The following HECW2 variants were observed in gnomAD, a reference collection of about 807,000 sequenced individuals.
The protein encoded by HECW2 is HECT, C2 and WW domain containing E3 ubiquitin protein ligase 2.
Under a neutral mutation model 175.2 loss-of-function variants are expected in HECW2, and 61 were observed. The observed-to-expected ratio is 0.35, with a 90% CI of 0.28 to 0.43. The LOEUF (loss-of-function observed/expected upper bound fraction) is 0.43, where lower values mean the gene tolerates loss of function less well. HECW2 is among the 20% of genes least tolerant of loss of function. HECW2 has a pLI of 1.00. For missense variants in HECW2, 1,524 were observed against 2,000.5 expected (o/e 0.76, Z 4.54); for synonymous variants, 671 against 731.0 (o/e 0.92, Z 1.32).
At chr2:196,458,048 C>T (rs13419292) in intron 1 of HECW2, among the ~76,000 whole-genome samples, 32,767 of 151,766 alleles carry the variant, frequency 0.22, 4,011 homozygotes, top group African/African-American at 0.34. Flanking sequence ...GGTGGGAGAA[C>T]TGCTTGAGCC....
chr2:196,447,314 T>A (rs1696215598), intron 1 of HECW2, among the ~76,000 whole-genome samples: 1 of 152,192 alleles, frequency 6.6e-6, no homozygotes, highest in Non-Finnish European at 1.5e-5. Context: ...CACACAACGA[T>A]GAACTGAAGA....
intron 1 of HECW2, among the ~76,000 whole-genome samples, chr2:196,556,437 A>G (rs574332064): frequency 6.6e-5 from 10 of 152,108 alleles, no homozygotes; most frequent in Admixed American, 2.6e-4. Context: ...CCTTTGACCA[A>G]TATCTCCCAT....
In HECW2 at chr2:196,322,600, A is replaced by C. The variant is rs760313588; in HGVS notation, c.762T>G (p.Leu254=). The C allele has an allele frequency of 6.2e-7, 1 of 1,613,074 alleles. No homozygotes were observed. Among genetic ancestry groups the C allele is most frequent in the Non-Finnish European group, 8.5e-7 (1 of 1,179,278 alleles). ...TTTCAATTTCTAAGACATCAGTAAG[A>C]AGTGCAAAAAAGGAATATTTCTGAA... is the stretch of plus-strand genomic sequence containing the variant. ...WHREKYSFFA[L]LTDVLEIEIK... is the part of the protein sequence containing the mutation. Residue 254 remains leucine, a synonymous_variant, in exon 7 of 29, where the codon CTT becomes CTG. Transcript: ENST00000644978.
chr2:196,307,311 T>C, intron 11 of HECW2, 78 bp from the exon 12 acceptor site: 1 of 929,882 alleles, frequency 1.1e-6, no homozygotes, highest in South Asian at 1.5e-5. Flanking sequence ...AGTCTAGAAC[T>C]TTTCACTATC....
intron 19 of HECW2, among the ~76,000 whole-genome samples, chr2:196,247,464 G>A (rs1001545951): frequency 1.3e-5 from 2 of 152,110 alleles, no homozygotes; most frequent in Admixed American, 1.3e-4. Context: ...TGTAGACAGA[G>A]GAATTTTATG....
chr2:196,511,148 C>CA (rs1274054324), intron 1 of HECW2, among the ~76,000 whole-genome samples: 3 of 152,048 alleles, frequency 2.0e-5, no homozygotes, highest in Non-Finnish European at 2.9e-5. Context: ...GTATTTTTAG[C>CA]AAAGAGAGGG....
intron 2 of HECW2, among the ~76,000 whole-genome samples, chr2:196,362,598 C>T (rs1693627329): frequency 6.6e-6 from 1 of 152,164 alleles, no homozygotes; most frequent in African/African-American, 2.4e-5. Flanking sequence ...TGAAAAAGGA[C>T]TAAAGCTTTT....
chr2:196,318,745 C>T lies in HECW2; in HGVS notation c.2145G>A (p.Gly715=), dbSNP rs899470998. The change falls in exon 9 of 29, where the codon GGG becomes GGA. Residue 715 remains glycine, a synonymous_variant. Transcript: ENST00000644978. ...GSLPVVQVPS[G]EDEGPGAESA... is the part of the protein sequence containing the mutation. ...ATTCTGCCCCTGGCCCTTCATCCTC[C>T]CCACTGGGCACCTGTACCACAGGTA... The T allele has an allele frequency of 6.5e-7, 1 of 1,533,974 alleles. No individual in the cohort carries two copies. Among genetic ancestry groups the T allele is most frequent in the African/African-American group, 1.4e-5 (1 of 72,180 alleles).
At chr2:196,269,123 G>A (rs1361875844) in intron 17 of HECW2, among the ~76,000 whole-genome samples, 6 of 152,140 alleles carry the variant, frequency 3.9e-5, no homozygotes, top group African/African-American at 1.4e-4. Context: ...AGTGTTTATA[G>A]TATAATACTT....
chr2:196,446,288 G>A (rs2125299296), intron 1 of HECW2, among the ~76,000 whole-genome samples: 1 of 152,310 alleles, frequency 6.6e-6, no homozygotes, highest in African/African-American at 2.4e-5. Context: ...CCAAATGGCA[G>A]CCTCTCAGAG....
In HECW2 at chr2:196,215,949, T is replaced by C; in HGVS notation, c.4523A>G (p.Tyr1508Cys). 6.2e-7 allele frequency: 1 copy of C among 1,613,820 alleles called. No individual in the cohort carries two copies. Among genetic ancestry groups the C allele is most frequent in the Non-Finnish European group, 8.5e-7 (1 of 1,179,770 alleles). The change falls in exon 28 of 29, where the codon TAT (tyrosine) becomes TGT (cysteine). Residue 1508 changes from tyrosine (Y) to cysteine (C), a missense_variant. Physicochemically the swap from Tyr to Cys is radical, Grantham distance 194. Transcript: ENST00000644978. Reference protein sequence around the residue: ...QFVTGTSSIPYEGFASLRGSN... With the variant: ...QFVTGTSSIPCEGFASLRGSN... ...CCCTCGGAGTGAAGCAAATCCTTCA[T>C]AGGGAATGCTGGATGTGCCTGTAAC...
At chr2:196,486,760 A>G (rs551965583) in intron 1 of HECW2, among the ~76,000 whole-genome samples, 13 of 152,232 alleles carry the variant, frequency 8.5e-5, no homozygotes, top group Non-Finnish European at 1.8e-4. Flanking sequence ...AAACAAGAAT[A>G]GAAATCCTCA....
intron 2 of HECW2, among the ~76,000 whole-genome samples, chr2:196,374,036 A>AT (rs1553509109): frequency 1.8e-4 from 26 of 141,236 alleles, no homozygotes; most frequent in African/African-American, 7.4e-4. Context: ...CGTCTCAAAA[A>AT]AAATAAAATA....
At chr2:196,578,830 A>G (rs1348422575) in intron 1 of HECW2, among the ~76,000 whole-genome samples, 1 of 152,184 alleles carries the variant, frequency 6.6e-6, no homozygotes, top group East Asian at 1.9e-4. Flanking sequence ...TCACCATCAC[A>G]TCCTACAAGA....
intron 1 of HECW2, among the ~76,000 whole-genome samples, chr2:196,481,316 C>G (rs1405369549): frequency 6.6e-6 from 1 of 152,226 alleles, no homozygotes; most frequent in Non-Finnish European, 1.5e-5. Flanking sequence ...TTTTTAGGAG[C>G]CATAGGCTTA....
chr2:196,549,567 C>T (rs1219458069), intron 1 of HECW2, among the ~76,000 whole-genome samples: 3 of 151,392 alleles, frequency 2.0e-5, no homozygotes, highest in Non-Finnish European at 4.4e-5. Flanking sequence ...GTCAACACTA[C>T]ATTTTCTGAT....
At chr2:196,229,429 G>A (rs1343430018) in intron 21 of HECW2, among the ~76,000 whole-genome samples, 1 of 152,190 alleles carries the variant, frequency 6.6e-6, no homozygotes, top group African/African-American at 2.4e-5. Flanking sequence ...GGAAGCCAAG[G>A]CGGGAAGATC....
At chr2:196,414,472 G>A (rs1436707410) in intron 2 of HECW2, among the ~76,000 whole-genome samples, 1 of 152,198 alleles carries the variant, frequency 6.6e-6, no homozygotes, top group East Asian at 1.9e-4. Flanking sequence ...TGATTGAGCT[G>A]GTATCGCCAT....
rs776095470 is a variant in HECW2 at position 196,318,947 on chromosome 2, C to T, written c.1943G>A (p.Ser648Asn). 5.0e-6 allele frequency: 8 copies of T among 1,609,118 alleles called. No homozygotes were observed. The highest frequency in any genetic ancestry group is 1.1e-5 in the South Asian group (1 of 90,024). Residue 648 changes from serine to asparagine, a missense_variant, in exon 9 of 29, where the codon AGT (serine) becomes AAT (asparagine). Physicochemically the swap from Ser to Asn is conservative, Grantham distance 46. Coordinates refer to ENST00000644978, the MANE Select transcript of HECW2 (RefSeq NM_001348768.2). ...LECADSSCNE[S>N]VTTQLSSVDT... The stretch of plus-strand genomic sequence containing the variant: ...CACAGAGGACAGCTGCGTGGTCACA[C>T]TCTCATTGCAGGAGCTGTCAGCGCA...
Sources: gnomAD v4.1 joint callset for allele counts (sites outside exome capture counted in the v4.1 genomes callset) on GRCh38, gnomAD v4.1.1 for gene constraint, MANE v1.5 for transcripts, NCBI Gene and HGNC (gene_info 2026-07-23, HGNC 2026-07-21) for gene names.